PNPLA5: variants seen among roughly 807,000 people sequenced by gnomAD.
PNPLA5 encodes the protein patatin-like phospholipase domain-containing protein 5.
A neutral mutation model predicts 49.1 loss-of-function variants in PNPLA5; 44 were observed. That is an observed-to-expected ratio of 0.90 (90% CI 0.70 to 1.15). PNPLA5 has a LOEUF of 1.15. Ranked by LOEUF, PNPLA5 falls within the 50% of genes most tolerant of loss-of-function variation. The probability of loss-of-function intolerance (pLI) is 0.00; values close to 1 mark genes in which losing one functional copy is unlikely to be tolerated. For missense variants in PNPLA5, 603 were observed against 564.0 expected, an observed-to-expected ratio of 1.07 and a Z score of -0.70; for synonymous variants, 243 against 244.4, an observed-to-expected ratio of 0.99 and a Z score of 0.06.
At chr22:43,883,943 C>A (rs1014183850) in intron 7 of PNPLA5, among the ~76,000 whole-genome samples, 1 of 152,190 alleles carries the variant, frequency 6.6e-6, no homozygotes, top group Non-Finnish European at 1.5e-5. Context: ...TCAAAGGTCA[C>A]GGAGACAGTG....
intron 6 of PNPLA5, among the ~76,000 whole-genome samples, chr22:43,884,865 CA>C (rs1364946486): frequency 6.6e-6 from 1 of 152,210 alleles, no homozygotes; most frequent in Non-Finnish European, 1.5e-5. Context: ...AGCCGGAGCC[CA>C]AATCCCAGCC....
At chr22:43,882,623 C>T (rs2049621966) in intron 7 of PNPLA5, among the ~76,000 whole-genome samples, 1 of 152,244 alleles carries the variant, frequency 6.6e-6, no homozygotes, top group Non-Finnish European at 1.5e-5. Context: ...TGGGCAGGCT[C>T]CCCTTTGGGG....
At position 43,887,781 on chromosome 22, in the gene PNPLA5, T is replaced by TCTCCC. The variant is rs1950573031; in HGVS notation, c.703-131_703-130insGGGAG. Reference sequence around the variant, plus strand: ...CAGCCTATTCTCCCCAAGTGACCATTCAACAGGGCTCAGGGCAGGAGCCTG... The same window carrying TCTCCC: ...CAGCCTATTCTCCCCAAGTGACCATTCTCCCCAACAGGGCTCAGGGCAGGAGCCTG... On this transcript the variant is annotated intron_variant, in intron 4 of 8. Coordinates refer to ENST00000216177, the MANE Select transcript of PNPLA5 (RefSeq NM_138814.4). The TCTCCC allele has an allele frequency of 1.1e-5, 16 of 1,496,286 alleles. No homozygotes were observed. In the South Asian group the frequency reaches 1.4e-4, roughly 13 times the overall value. The allele number at this position is 1,496,286 out of a possible 1,614,324, so 92.7% of individuals were successfully genotyped here.
intron 8 of PNPLA5, chr22:43,881,108 T>A: frequency 1.7e-6 from 1 of 597,080 alleles, no homozygotes; most frequent in Non-Finnish European, 2.1e-6. Flanking sequence ...GCTAAACAGA[T>A]AACTGTCGAG....
intron 7 of PNPLA5, 96 bp downstream of exon 7, chr22:43,884,117 G>GC: frequency 1.1e-5 from 9 of 847,258 alleles, no homozygotes; most frequent in East Asian, 8.6e-5. Context: ...ACCCCGCCGA[G>GC]CCCTACCCAC....
intron 2 of PNPLA5, 96 bp from the exon 3 acceptor site, chr22:43,889,960 G>A (rs780270502): frequency 1.3e-6 from 2 of 1,531,592 alleles, no homozygotes; most frequent in African/African-American, 2.7e-5. Context: ...GCCTGCAAAG[G>A]AGGTGTCATC....
chr22:43,887,579 A>G lies in PNPLA5; in HGVS notation c.763+12T>C. 1 of 1,609,662 alleles carries G rather than the reference A, an allele frequency of 6.2e-7. No individual in the cohort carries two copies. Among genetic ancestry groups the G allele is most frequent in the South Asian group, 1.1e-5 (1 of 90,000 alleles). On this transcript the variant is annotated intron_variant, in intron 5 of 8. Transcript: ENST00000216177. ...GGACATGATCCCCAGCCACTGTGGG[A>G]CTGCCACCTACCACGTCTCTCCAGG...
At position 43,891,297 on chromosome 22, in the gene PNPLA5, G is replaced by C; in HGVS notation, c.194-3C>G. On this transcript the variant is annotated splice_region_variant and splice_polypyrimidine_tract_variant and intron_variant, in intron 1 of 8. Coordinates refer to ENST00000216177, the MANE Select transcript of PNPLA5 (RefSeq NM_138814.4). ...CAGGAGGTGGGAGCAGCAGAAGTCT[G>C]CAGTGGGGGCAGGGAAAGGGAGACC... The C allele has an allele frequency of 1.3e-6, 2 of 1,551,682 alleles. No individual in the cohort carries two copies. The highest frequency in any genetic ancestry group is 1.7e-6 in the Non-Finnish European group (2 of 1,152,072).
In PNPLA5 at chr22:43,889,204, T is replaced by C. The variant is rs1305861504; in HGVS notation, c.702+125A>G. 1.6e-5 allele frequency: 17 copies of C among 1,070,188 alleles called. No homozygotes were observed. In the Admixed American group the frequency reaches 1.8e-4, roughly 11 times the overall value. The allele number at this position is 1,070,188 out of a possible 1,614,324, so 66.3% of individuals were successfully genotyped here. On this transcript the variant is annotated intron_variant, in intron 4 of 8. Transcript: ENST00000216177. ...GGATTCAGGTGTTTGGCTGTGAGAC[T>C]CGGGACATGTGTTGTAACTGCCTTC...
At position 43,884,307 on chromosome 22, in the gene PNPLA5, C is replaced by T; in HGVS notation, c.988G>A (p.Ala330Thr). 2 of 1,598,198 alleles carry T rather than the reference C, an allele frequency of 1.3e-6. No individual in the cohort carries two copies. The highest frequency in any genetic ancestry group is 1.7e-6 in the Non-Finnish European group (2 of 1,172,016). The change falls in exon 7 of 9, where the codon GCC becomes ACC. Residue 330 changes from alanine to threonine, a missense_variant. Physicochemically the swap from Ala to Thr is moderately conservative, Grantham distance 58. Coordinates refer to ENST00000216177, the MANE Select transcript of PNPLA5 (RefSeq NM_138814.4). Reference sequence around the variant, plus strand: ...CCAGGCCCCGAGTGCCAGAAGCGGGCCCACCGGCTGGGATCCCTCGTACAT... The same window carrying T: ...CCAGGCCCCGAGTGCCAGAAGCGGGTCCACCGGCTGGGATCCCTCGTACAT... The part of the protein sequence containing the change: ...KACTRDPSRW[A>T]RFWHSGPGQV...
Position 43,881,115 on chromosome 22 carries a change from C to T in PNPLA5, c.1200-230G>A, listed in dbSNP as rs931127451. 13 of 571,780 alleles carry T rather than the reference C, an allele frequency of 2.3e-5. No homozygotes were observed. In the African/African-American group the frequency reaches 2.4e-4, roughly 11 times the overall value. 35.4% of individuals were successfully genotyped at this position (571,780 alleles called of 1,614,324 possible). Reference sequence around the variant, plus strand: ...ATGTCCCTGCTAAACAGATAACTGTCGAGTGGGTGGGGGAGGGCCACACAG... The same window carrying T: ...ATGTCCCTGCTAAACAGATAACTGTTGAGTGGGTGGGGGAGGGCCACACAG... On this transcript the variant is annotated intron_variant, in intron 8 of 8. Transcript: ENST00000216177.
intron 7 of PNPLA5, among the ~76,000 whole-genome samples, chr22:43,883,995 C>T (rs2049636264): frequency 6.6e-6 from 1 of 152,142 alleles, no homozygotes; most frequent in African/African-American, 2.4e-5. Context: ...GACTTCCAAT[C>T]CTACCCACCA....
At chr22:43,886,648 T>G (rs1220580616) in intron 5 of PNPLA5, 160 bp from the exon 6 acceptor site, 7 of 977,332 alleles carry the variant, frequency 7.2e-6, no homozygotes, top group Non-Finnish European at 8.5e-6. Context: ...TGCCTTCCCC[T>G]GGCCCTGCTC....
intron 7 of PNPLA5, among the ~76,000 whole-genome samples, chr22:43,882,715 A>T (rs895082959): frequency 6.6e-6 from 1 of 152,206 alleles, no homozygotes; most frequent in Non-Finnish European, 1.5e-5. Context: ...GTTTCCGTAA[A>T]CAGCTCAGCG....
chr22:43,889,910 G>A, intron 2 of PNPLA5, 46 bp from the exon 3 acceptor site: 1 of 1,604,384 alleles, frequency 6.2e-7, no homozygotes, highest in Non-Finnish European at 8.5e-7. Context: ...CATGCTTCTT[G>A]CATTCAGAAC....
In PNPLA5 at chr22:43,889,968, A is replaced by G. The variant is rs373738405; in HGVS notation, c.427-104T>C. On this transcript the variant is annotated intron_variant, in intron 2 of 8. Transcript: ENST00000216177. ...CCCAACAGCCTGCAAAGGAGGTGTC[A>G]TCAGTCCCACGTCCAGATGAGGGAG... 3.9e-5 allele frequency: 59 copies of G among 1,515,512 alleles called. No individual in the cohort carries two copies. The East Asian group carries it at 6.0e-4, about 15-fold the overall frequency. 93.9% of individuals were successfully genotyped at this position (1,515,512 alleles called of 1,614,324 possible). A position where few individuals can be genotyped will look rare whatever the true frequency, so the allele number is the denominator to read the frequency against.
intron 7 of PNPLA5, 71 bp from the exon 8 acceptor site, chr22:43,881,745 A>G (rs2049613157): frequency 6.4e-7 from 1 of 1,567,132 alleles, no homozygotes; most frequent in Non-Finnish European, 8.6e-7. Context: ...CACCCTCCCC[A>G]TAGGCCCAGA....
In PNPLA5 at chr22:43,883,810, GAAA is replaced by G. The variant is rs79338006; in HGVS notation, c.1082+400_1082+402del. On this transcript the variant is annotated intron_variant, in intron 7 of 8. Coordinates refer to ENST00000216177, the MANE Select transcript of PNPLA5 (RefSeq NM_138814.4). ...TGGGCAATAGAGTGAGACTCTGTCA[GAAA>G]AAAAAAAAGAAAAGAAAAGAAAGAA... Among the ~76,000 whole-genome samples the G allele has an allele frequency of 1.7e-5, 2 of 118,470 alleles. 1 individual carries two copies. Among genetic ancestry groups the G allele is most frequent in the East Asian group, 6.4e-4 (2 of 3,136 alleles). The allele number at this position is 118,470 out of a possible 152,430, so 77.7% of individuals were successfully genotyped here.
rs1344532538 is a variant in PNPLA5 at position 43,891,126 on chromosome 22, G to A, written c.362C>T (p.Thr121Ile). 1 of 1,608,864 alleles carries A rather than the reference G, an allele frequency of 6.2e-7. No individual in the cohort carries two copies. Among genetic ancestry groups the A allele is most frequent in the Non-Finnish European group, 8.5e-7 (1 of 1,177,144 alleles). Residue 121 changes from threonine (T) to isoleucine (I), a missense_variant, in exon 2 of 9, where the codon ACC (threonine) becomes ATC (isoleucine). Coordinates refer to ENST00000216177, the MANE Select transcript of PNPLA5 (RefSeq NM_138814.4). ...LASQRLGISL[T>I]RWPDGRNFLV... ...GAAGTTGCGTCCGTCAGGCCAGCGG[G>A]TCAGCGAAATGCCCAGCCGCTGGGA...
Sources: allele counts gnomAD v4.1 joint callset (sites outside exome capture counted in the v4.1 genomes callset), GRCh38; gene constraint gnomAD v4.1.1; transcripts MANE v1.5; gene names NCBI Gene and HGNC (gene_info 2026-07-23, HGNC 2026-07-21).